The following NFIX variants were observed in gnomAD, a reference collection of about 807,000 sequenced individuals.
NFIX encodes the protein nuclear factor 1 X-type.
Under a neutral mutation model 53.3 loss-of-function variants are expected in NFIX, and 2 were observed. That is an observed-to-expected ratio of 0.04 (90% CI 0.02 to 0.12). The LOEUF (loss-of-function observed/expected upper bound fraction) is 0.12. NFIX is among the 10% of genes least tolerant of loss of function. The probability of loss-of-function intolerance (pLI) is 1.00; values close to 1 mark genes in which losing one functional copy is unlikely to be tolerated. For missense variants in NFIX, 310 were observed against 674.5 expected, an observed-to-expected ratio of 0.46 and a Z score of 5.99; for synonymous variants, 244 against 289.0, an observed-to-expected ratio of 0.84 and a Z score of 1.58.
Position 13,005,218 on chromosome 19 carries a change from G to A in NFIX, c.27+9354G>A, listed in dbSNP as rs574382099. Among the ~76,000 whole-genome samples, 22 of 152,194 alleles carry A rather than the reference G, an allele frequency of 1.4e-4. No individual in the cohort carries two copies. The highest frequency in any genetic ancestry group is 2.5e-4 in the Non-Finnish European group (17 of 68,042). ...TGACCCCAGAGAAAGAAGAGACAGC[G>A]GTCAGCAGAATGGTAGAAGAAGATA... On this transcript the variant is annotated intron_variant, in intron 1 of 10. Transcript: ENST00000592199. The surrounding 1 kb of genome is among the most constrained non-coding windows in gnomAD (Gnocchi z 4.7).
In NFIX at chr19:13,033,776, T is replaced by C. The variant is rs75273003; in HGVS notation, c.559+8224T>C. The stretch of plus-strand genomic sequence containing the variant: ...GCTGGGTGTGTGTGCACTCAGGTGA[T>C]GTGCATAATATGTGTAGTGAGGAAT... On this transcript the variant is annotated intron_variant, in intron 2 of 10. Coordinates refer to ENST00000592199, the MANE Select transcript of NFIX (RefSeq NM_001365902.3). Among the ~76,000 whole-genome samples the C allele has an allele frequency of 2.8e-3, 421 of 152,342 alleles. 6 individuals are homozygous for C. Among genetic ancestry groups the C allele is most frequent in the African/African-American group, 9.9e-3 (410 of 41,572 alleles).
chr19:13,096,285 C>A lies in NFIX; in HGVS notation c.*1636C>A. 1 of 152,686 alleles carries A rather than the reference C, an allele frequency of 6.5e-6. No individual in the cohort carries two copies. Among genetic ancestry groups the A allele is most frequent in the South Asian group, 2.1e-4 (1 of 4,834 alleles). The allele number at this position is 152,686 out of a possible 1,614,324, so 9.5% of individuals were successfully genotyped here. A position where few individuals can be genotyped will look rare whatever the true frequency, so the allele number is the denominator to read the frequency against. On this transcript the variant is annotated 3_prime_UTR_variant, in exon 11 of 11. Coordinates refer to ENST00000592199, the MANE Select transcript of NFIX (RefSeq NM_001365902.3). Reference sequence around the variant, plus strand: ...CTCTGAGAGAAAATCAACATTGCACCACGTAGGGGTGGGCTATGGGCTGTA... The same window carrying A: ...CTCTGAGAGAAAATCAACATTGCACAACGTAGGGGTGGGCTATGGGCTGTA...
Position 13,078,610 on chromosome 19 carries a change from C to G in NFIX, c.956-3C>G. On this transcript the variant is annotated splice_region_variant and splice_polypyrimidine_tract_variant and intron_variant, in intron 6 of 10. Coordinates refer to ENST00000592199, the MANE Select transcript of NFIX (RefSeq NM_001365902.3). This position sits in a 1 kb window ranked among gnomAD's most constrained non-coding sequence, Gnocchi z 4.7. ...GCCCTGTGTTGCTGCTTCCTCCCCC[C>G]AGGCCCGGCTTCTCTAAAGAAGTCA... The G allele has an allele frequency of 6.3e-7, 1 of 1,599,222 alleles. No homozygotes were observed. Among genetic ancestry groups the G allele is most frequent in the Non-Finnish European group, 8.5e-7 (1 of 1,173,222 alleles).
intron 10 of NFIX, among the ~76,000 whole-genome samples, chr19:13,092,822 G>A (rs1488731205): frequency 6.6e-6 from 1 of 152,236 alleles, no homozygotes; most frequent in Non-Finnish European, 1.5e-5. Flanking sequence ...CACCCACTCT[G>A]GGGATGCCTC....
rs775941706 is a variant in NFIX at position 13,002,061 on chromosome 19, G to A, written c.27+6197G>A. 3.2e-4 allele frequency among the ~76,000 whole-genome samples: 49 copies of A among 152,264 alleles called. No individual in the cohort carries two copies. Among genetic ancestry groups the A allele is most frequent in the Non-Finnish European group, 5.9e-4 (40 of 67,990 alleles). On this transcript the variant is annotated intron_variant, in intron 1 of 10. Coordinates refer to ENST00000592199, the MANE Select transcript of NFIX (RefSeq NM_001365902.3). This position sits in a 1 kb window ranked among gnomAD's most constrained non-coding sequence, Gnocchi z 6.1. ...GCCAGCTGGGTGTCCGGCTGTCTCCGTGGGCCTGAGCCCACTATCCCCGCT... is the reference window on the plus strand; with the variant it reads ...GCCAGCTGGGTGTCCGGCTGTCTCCATGGGCCTGAGCCCACTATCCCCGCT...
At chr19:13,050,358 C>A (rs1189920537) in intron 2 of NFIX, among the ~76,000 whole-genome samples, 3 of 152,246 alleles carry the variant, frequency 2.0e-5, no homozygotes, top group Non-Finnish European at 4.4e-5. Flanking sequence ...TTACCCCCGG[C>A]CTGGCTGTCA....
rs960845534 is a variant in NFIX at position 13,022,903 on chromosome 19, C to T, written c.28-2118C>T. Among the ~76,000 whole-genome samples the T allele has an allele frequency of 6.6e-6, 1 of 151,802 alleles. No individual in the cohort carries two copies. Among genetic ancestry groups the T allele is most frequent in the African/African-American group, 2.4e-5 (1 of 41,374 alleles). ...AAAAATTCATAACTGCTGGACTTTG[C>T]TTGTTCATTAGACGTGAACTTGTCG... On this transcript the variant is annotated intron_variant, in intron 1 of 10. Transcript: ENST00000592199. This position sits in a 1 kb window ranked among gnomAD's most constrained non-coding sequence, Gnocchi z 4.5.
In NFIX at chr19:13,072,644, C is replaced by G. The variant is rs1202199142; in HGVS notation, c.560-403C>G. ...CTTTGCTCCTGACTCTTGGCCGGTG[C>G]TTCTTACCTGAGGGTGACTTTGCCC... On this transcript the variant is annotated intron_variant, in intron 2 of 10. Coordinates refer to ENST00000592199, the MANE Select transcript of NFIX (RefSeq NM_001365902.3). This position sits in a 1 kb window ranked among gnomAD's most constrained non-coding sequence, Gnocchi z 4.0. 1.3e-5 allele frequency among the ~76,000 whole-genome samples: 2 copies of G among 152,196 alleles called. No homozygotes were observed. The highest frequency in any genetic ancestry group is 4.8e-5 in the African/African-American group (2 of 41,434).
At position 13,078,535 on chromosome 19, in the gene NFIX, A is replaced by G; in HGVS notation, c.956-78A>G. 1.3e-6 allele frequency: 2 copies of G among 1,504,574 alleles called. No individual in the cohort carries two copies. Among genetic ancestry groups the G allele is most frequent in the Non-Finnish European group, 1.8e-6 (2 of 1,112,126 alleles). The allele number at this position is 1,504,574 out of a possible 1,614,324, so 93.2% of individuals were successfully genotyped here. A position where few individuals can be genotyped will look rare whatever the true frequency, so the allele number is the denominator to read the frequency against. On this transcript the variant is annotated intron_variant, in intron 6 of 10. Transcript: ENST00000592199. The surrounding 1 kb of genome is among the most constrained non-coding windows in gnomAD (Gnocchi z 4.7). ...GGAGGGGCTGAGGAGAGAAGGAGCG[A>G]GCTGCTGGCTTCCCGCCTTCCCCGC...
At position 13,037,101 on chromosome 19, in the gene NFIX, G is replaced by A. The variant is rs1191967338; in HGVS notation, c.559+11549G>A. Among the ~76,000 whole-genome samples, 4 of 152,154 alleles carry A rather than the reference G, an allele frequency of 2.6e-5. No individual in the cohort carries two copies. The highest frequency in any genetic ancestry group is 7.2e-5 in the African/African-American group (3 of 41,428). ...TCTGCCCTTGGGTATTTGACCCAAC[G>A]GGAAGCAAGGCAGTAGACTCCGTTT... On this transcript the variant is annotated intron_variant, in intron 2 of 10. Transcript: ENST00000592199. The surrounding 1 kb of genome is among the most constrained non-coding windows in gnomAD (Gnocchi z 4.2).
chr19:13,082,953 G>GGTGTATT (rs767650504), intron 8 of NFIX, among the ~76,000 whole-genome samples: 1 of 152,230 alleles, frequency 6.6e-6, no homozygotes, highest in Non-Finnish European at 1.5e-5. Flanking sequence ...GCTAAGTGCT[G>GGTGTATT]GTGTATTGAT....
At chr19:13,024,685 G>A (rs1223560542) in intron 1 of NFIX, 1 of 1,536,378 alleles carries the variant, frequency 6.5e-7, no homozygotes, top group Non-Finnish European at 8.7e-7. Flanking sequence ...AGCAGCGTGT[G>A]TGTGTGGACG....
At chr19:13,018,216 A>G (rs1053440921) in intron 1 of NFIX, among the ~76,000 whole-genome samples, 4 of 151,604 alleles carry the variant, frequency 2.6e-5, no homozygotes, top group African/African-American at 9.7e-5. Context: ...TTCTGTGCCA[A>G]GAGGGTAAGG....
intron 6 of NFIX, 21 bp downstream of exon 6, chr19:13,075,692 G>T: frequency 6.2e-7 from 1 of 1,609,046 alleles, no homozygotes; most frequent in South Asian, 1.1e-5. Context: ...GGGGGATCCT[G>T]ACCCAGAGCA....
chr19:13,057,934 C>G (rs2015817418), intron 2 of NFIX, among the ~76,000 whole-genome samples: 1 of 152,186 alleles, frequency 6.6e-6, no homozygotes, highest in Admixed American at 6.5e-5. Context: ...ACATCCTTCT[C>G]CCATCTTTTT....
intron 2 of NFIX, among the ~76,000 whole-genome samples, chr19:13,034,821 T>C (rs1226809377): frequency 6.6e-6 from 1 of 151,818 alleles, no homozygotes; most frequent in Non-Finnish European, 1.5e-5. Flanking sequence ...AGGGAGAGGC[T>C]GGCTCACCGC....
At chr19:13,069,543 C>A (rs1286032744) in intron 2 of NFIX, among the ~76,000 whole-genome samples, 2 of 152,226 alleles carry the variant, frequency 1.3e-5, no homozygotes, top group Non-Finnish European at 2.9e-5. Flanking sequence ...CTCATGTACG[C>A]CTGCCTGGCA....
intron 2 of NFIX, among the ~76,000 whole-genome samples, chr19:13,032,137 G>C (rs909869359): frequency 3.3e-5 from 5 of 152,202 alleles, no homozygotes; most frequent in African/African-American, 7.2e-5. Flanking sequence ...GGAGGGGGAG[G>C]GGGGCAGGAG....
intron 2 of NFIX, among the ~76,000 whole-genome samples, chr19:13,046,139 T>G (rs2014967849): frequency 6.6e-6 from 1 of 152,204 alleles, no homozygotes; most frequent in African/African-American, 2.4e-5. Flanking sequence ...GGGGCATCCC[T>G]GCAGGCACTC....
Sources: allele counts gnomAD v4.1 joint callset (sites outside exome capture counted in the v4.1 genomes callset), GRCh38; gene constraint gnomAD v4.1.1; non-coding constraint Gnocchi (gnomAD v3.1); transcripts MANE v1.5; gene names NCBI Gene and HGNC (gene_info 2026-07-23, HGNC 2026-07-21).